NIPSNAP2: variants seen among roughly 807,000 people sequenced by gnomAD.
NIPSNAP2 encodes protein NipSnap homolog 2.
NIPSNAP2 carries 42 observed loss-of-function variants against 48.4 expected under a neutral mutation model. The observed-to-expected ratio is 0.87, with a 90% CI of 0.68 to 1.12. The LOEUF is 1.12. NIPSNAP2 is among the 50% of genes most tolerant of loss of function. The pLI is 0.00. For synonymous variants in NIPSNAP2, 158 were observed against 126.6 expected (o/e 1.25, Z -1.67); for missense variants, 314 against 347.3 (o/e 0.90, Z 0.76).
At chr7:55,969,696 T>C (rs774784302) in intron 1 of NIPSNAP2, among the ~76,000 whole-genome samples, 9 of 151,986 alleles carry the variant, frequency 5.9e-5, no homozygotes, top group Non-Finnish European at 7.4e-5. Context: ...ATAACAGTGA[T>C]CATATTGCCG....
In NIPSNAP2 at chr7:55,981,235, T is replaced by G. The variant is rs1357091391; in HGVS notation, c.279-238T>G. 9.5e-6 allele frequency: 3 copies of G among 315,620 alleles called. No homozygotes were observed. The East Asian group carries it at 1.7e-4, about 18-fold the overall frequency. The allele number at this position is 315,620 out of a possible 1,614,324, so 19.6% of individuals were successfully genotyped here. A position where few individuals can be genotyped will look rare whatever the true frequency, so the allele number is the denominator to read the frequency against. ...TTTTCTTTATCATCATTATACTGAT[T>G]GAACAACTCTTCTAGATAGTTGGGG... On this transcript the variant is annotated intron_variant, in intron 3 of 9. Coordinates refer to ENST00000322090, the MANE Select transcript of NIPSNAP2 (RefSeq NM_001483.3).
At chr7:55,988,728 G>A (rs1787383035) in intron 7 of NIPSNAP2, among the ~76,000 whole-genome samples, 2 of 152,074 alleles carry the variant, frequency 1.3e-5, no homozygotes, top group Non-Finnish European at 2.9e-5. Context: ...AGCCGGGCAT[G>A]TTGGTGTGCA....
intron 7 of NIPSNAP2, among the ~76,000 whole-genome samples, chr7:55,993,290 G>A (rs1292846197): frequency 1.3e-5 from 2 of 149,580 alleles, no homozygotes; most frequent in Admixed American, 6.7e-5. Context: ...GTAAGACTCC[G>A]TCTAAAAAAA....
In NIPSNAP2 at chr7:55,991,757, A is replaced by T. The variant is rs1387881439; in HGVS notation, c.618-3137A>T. The T allele has an allele frequency of 1.7e-4, 24 of 142,440 alleles. 1 individual carries two copies. Among genetic ancestry groups the T allele is most frequent in the East Asian group, 7.1e-4 (3 of 4,252 alleles). The allele number at this position is 142,440 out of a possible 1,614,324, so 8.8% of individuals were successfully genotyped here. A position where few individuals can be genotyped will look rare whatever the true frequency, so the allele number is the denominator to read the frequency against. The stretch of plus-strand genomic sequence containing the variant: ...GAGTGAAACTCTGTCTCAAAAAAAA[A>T]AAAAAAAAATATATATATATATATA... On this transcript the variant is annotated intron_variant, in intron 7 of 9. Coordinates refer to ENST00000322090, the MANE Select transcript of NIPSNAP2 (RefSeq NM_001483.3).
intron 3 of NIPSNAP2, 72 bp downstream of exon 3, chr7:55,978,467 T>A: frequency 1.6e-6 from 2 of 1,242,676 alleles, no homozygotes; most frequent in Non-Finnish European, 2.3e-6. Flanking sequence ...CCACTAACAC[T>A]TGATAGCATA....
At chr7:55,968,529 GC>G (rs1786945562) in intron 1 of NIPSNAP2, among the ~76,000 whole-genome samples, 1 of 151,960 alleles carries the variant, frequency 6.6e-6, no homozygotes, top group Non-Finnish European at 1.5e-5. Flanking sequence ...GGGACTACAG[GC>G]GTGCGCCACC....
chr7:55,973,736 G>A (rs1466376880), intron 1 of NIPSNAP2, among the ~76,000 whole-genome samples: 1 of 151,372 alleles, frequency 6.6e-6, no homozygotes, highest in Non-Finnish European at 1.5e-5. Flanking sequence ...CACCTGCCTC[G>A]GCCTCCCAGA....
intron 3 of NIPSNAP2, 156 bp from the exon 4 acceptor site, chr7:55,981,316 TA>T: frequency 1.8e-6 from 1 of 570,484 alleles, no homozygotes. Context: ...ATAATTCAGC[TA>T]AAAGGTTAAC....
Position 55,994,934 on chromosome 7 carries a change from G to A in NIPSNAP2, c.658G>A (p.Val220Ile), listed in dbSNP as rs760837804. Residue 220 changes from valine to isoleucine, a missense_variant, in exon 8 of 10, where the codon GTC becomes ATC. Coordinates refer to ENST00000322090, the MANE Select transcript of NIPSNAP2 (RefSeq NM_001483.3). Reference sequence around the variant, plus strand: ...CTTCAGACAGGATGGTAACGAAGCCGTCGGAGGATTCTTCTCTCAGATTGG... The same window carrying A: ...CTTCAGACAGGATGGTAACGAAGCCATCGGAGGATTCTTCTCTCAGATTGG... ...IRFRQDGNEA[V>I]GGFFSQIGQL... 20 of 1,614,066 alleles carry A rather than the reference G, an allele frequency of 1.2e-5. No individual in the cohort carries two copies. Among genetic ancestry groups the A allele is most frequent in the Admixed American group, 1.0e-4 (6 of 59,990 alleles).
intron 1 of NIPSNAP2, among the ~76,000 whole-genome samples, chr7:55,970,018 G>C (rs1786986849): frequency 6.7e-6 from 1 of 150,370 alleles, no homozygotes; most frequent in Non-Finnish European, 1.5e-5. Flanking sequence ...TATGAATGAA[G>C]CACGGTGTGC....
chr7:55,988,720 C>T (rs1270051730), intron 7 of NIPSNAP2, among the ~76,000 whole-genome samples: 2 of 152,042 alleles, frequency 1.3e-5, no homozygotes, highest in African/African-American at 2.4e-5. Flanking sequence ...AAAAACGTAG[C>T]CGGGCATGTT....
chr7:55,974,417 C>G (rs753634052), intron 1 of NIPSNAP2, among the ~76,000 whole-genome samples: 6 of 152,016 alleles, frequency 3.9e-5, no homozygotes, highest in Non-Finnish European at 8.8e-5. Flanking sequence ...GGAATTTGCT[C>G]TCATGAGAGT....
Position 55,982,974 on chromosome 7 carries a change from T to G in NIPSNAP2, c.444+694T>G, listed in dbSNP as rs1196972723. Among the ~76,000 whole-genome samples the G allele has an allele frequency of 8.6e-5, 13 of 151,762 alleles. No homozygotes were observed. In the South Asian group the frequency reaches 2.7e-3, roughly 32 times the overall value. ...CTCATCTCTACTAAAAATACAAAAA[T>G]TAGCCGAGCATGGTGGTGCACAACT... On this transcript the variant is annotated intron_variant, in intron 5 of 9. Transcript: ENST00000322090.
intron 3 of NIPSNAP2, chr7:55,980,263 G>T: frequency 1.1e-5 from 2 of 174,828 alleles, no homozygotes; most frequent in Non-Finnish European, 2.5e-5. Flanking sequence ...CACATGATGT[G>T]GTCACTATAC....
At chr7:55,980,077 T>C (rs1787181790) in intron 3 of NIPSNAP2, 1 of 231,128 alleles carries the variant, frequency 4.3e-6, no homozygotes, top group Non-Finnish European at 9.0e-6. Flanking sequence ...CTATTCCTGC[T>C]CATGTCATGC....
At position 55,964,693 on chromosome 7, in the gene NIPSNAP2, C is replaced by A; in HGVS notation, c.84C>A (p.Pro28=). 8.9e-7 allele frequency: 1 copy of A among 1,122,612 alleles called. No individual in the cohort carries two copies. The highest frequency in any genetic ancestry group is 4.3e-5 in the South Asian group (1 of 23,270). 69.5% of individuals were successfully genotyped at this position (1,122,612 alleles called of 1,614,324 possible). A position where few individuals can be genotyped will look rare whatever the true frequency, so the allele number is the denominator to read the frequency against. Residue 28 remains proline (P), a synonymous_variant, in exon 1 of 10, where the codon CCC becomes CCA. Coordinates refer to ENST00000322090, the MANE Select transcript of NIPSNAP2 (RefSeq NM_001483.3). Reference sequence around the variant, plus strand: ...GGGCGGCCCCCTGCAGCCTCCTGCCCAGGCTCCGGTGAGCAGCGCCGCCCT... The same window carrying A: ...GGGCGGCCCCCTGCAGCCTCCTGCCAAGGCTCCGGTGAGCAGCGCCGCCCT... ...LQRAAPCSLL[P]RLRTWTSSSN... is the part of the protein sequence containing the mutation.
chr7:55,998,280 C>A (rs1787606743), intron 9 of NIPSNAP2, among the ~76,000 whole-genome samples: 2 of 151,694 alleles, frequency 1.3e-5, no homozygotes, highest in Non-Finnish European at 2.9e-5. Flanking sequence ...AGCCCCTATA[C>A]TACCAAGAAA....
chr7:55,988,633 C>T (rs58509954), intron 7 of NIPSNAP2, among the ~76,000 whole-genome samples: 1,996 of 152,090 alleles, frequency 0.013, 54 homozygotes, highest in African/African-American at 0.046. Flanking sequence ...GCTGAGGGCG[C>T]GGATCACCTG....
rs1787585726 is a variant in NIPSNAP2 at position 55,997,464 on chromosome 7, G to A, written c.796+15G>A. 5.1e-6 allele frequency: 8 copies of A among 1,580,996 alleles called. No individual in the cohort carries two copies. The highest frequency in any genetic ancestry group is 7.0e-6 in the Non-Finnish European group (8 of 1,150,022). ...ATATTACACAGGTAATCTCTTAACA[G>A]CCATGAAATATGCTTTTTGTCTTAC... is the stretch of plus-strand genomic sequence containing the variant. On this transcript the variant is annotated intron_variant, in intron 9 of 9. Coordinates refer to ENST00000322090, the MANE Select transcript of NIPSNAP2 (RefSeq NM_001483.3).
Sources: gnomAD v4.1 joint callset for allele counts (sites outside exome capture counted in the v4.1 genomes callset) on GRCh38, gnomAD v4.1.1 for gene constraint, MANE v1.5 for transcripts, NCBI Gene and HGNC (gene_info 2026-07-23, HGNC 2026-07-21) for gene names.